SPAG16: variants seen among roughly 807,000 people sequenced by gnomAD.
SPAG16 encodes sperm associated antigen 16, also known as sperm-associated antigen 16 protein.
Under a neutral mutation model 80.4 loss-of-function variants are expected in SPAG16, and 86 were observed. The observed-to-expected ratio is 1.07, with a 90% CI of 0.90 to 1.28. The LOEUF is 1.28. SPAG16 is among the 50% of genes most tolerant of loss of function. The pLI is 0.00. For synonymous variants in SPAG16, 294 were observed against 265.9 expected (o/e 1.11, Z -1.03); for missense variants, 870 against 765.3 (o/e 1.14, Z -1.61).
At chr2:214,246,572 GA>G (rs1426116466) in intron 15 of SPAG16, among the ~76,000 whole-genome samples, 1 of 152,062 alleles carries the variant, frequency 6.6e-6, no homozygotes, top group Non-Finnish European at 1.5e-5. Flanking sequence ...GTGCTGCAAA[GA>G]AGCCCAAGTT....
intron 13 of SPAG16, among the ~76,000 whole-genome samples, chr2:214,017,262 AG>A (rs1325761748): frequency 6.6e-6 from 1 of 152,196 alleles, no homozygotes; most frequent in African/African-American, 2.4e-5. Context: ...ATAGCTTCTC[AG>A]ACATTGATGC....
At chr2:214,274,345 G>C (rs1008447924) in intron 15 of SPAG16, among the ~76,000 whole-genome samples, 2 of 152,176 alleles carry the variant, frequency 1.3e-5, no homozygotes, top group Admixed American at 1.3e-4. Flanking sequence ...AATAGGAGTG[G>C]TGAGAGAGGG....
intron 12 of SPAG16, among the ~76,000 whole-genome samples, chr2:213,941,759 A>G (rs1162675896): frequency 3.3e-5 from 5 of 152,070 alleles, no homozygotes; most frequent in Non-Finnish European, 5.9e-5. Flanking sequence ...TTTTATTCAT[A>G]TACTGGCCTC....
intron 14 of SPAG16, among the ~76,000 whole-genome samples, chr2:214,145,297 A>G (rs1235362752): frequency 1.3e-5 from 2 of 152,098 alleles, no homozygotes; most frequent in Non-Finnish European, 2.9e-5. Flanking sequence ...AGTTTTCTGA[A>G]CCCACCACAG....
intron 14 of SPAG16, among the ~76,000 whole-genome samples, chr2:214,135,779 C>G (rs1242995596): frequency 6.6e-6 from 1 of 151,852 alleles, no homozygotes; most frequent in East Asian, 1.9e-4. Flanking sequence ...GCCATGTGAT[C>G]TCTGCACACA....
chr2:213,547,199 A>G (rs1487359656), intron 10 of SPAG16, among the ~76,000 whole-genome samples: 1 of 152,104 alleles, frequency 6.6e-6, no homozygotes, highest in African/African-American at 2.4e-5. Flanking sequence ...TATCATTGAC[A>G]AATATCATAT....
At chr2:214,167,994 C>CT (rs202075837) in intron 15 of SPAG16, among the ~76,000 whole-genome samples, 1,655 of 132,978 alleles carry the variant, frequency 0.012, 18 homozygotes, top group Middle Eastern at 0.042. Context: ...TTCTTTTTCT[C>CT]TTTTTTTTTT....
chr2:213,741,484 GA>G (rs986525645), intron 10 of SPAG16, among the ~76,000 whole-genome samples: 1 of 151,060 alleles, frequency 6.6e-6, no homozygotes, highest in African/African-American at 2.4e-5. Context: ...AAAGACTAAG[GA>G]AAAAAAAGTA....
At chr2:213,594,963 C>A (rs1237727764) in intron 10 of SPAG16, among the ~76,000 whole-genome samples, 1 of 151,798 alleles carries the variant, frequency 6.6e-6, no homozygotes, top group Non-Finnish European at 1.5e-5. Context: ...GTCTGCCTGC[C>A]TGTCTATTTA....
At chr2:214,324,339 T>C (rs1335039911) in intron 15 of SPAG16, among the ~76,000 whole-genome samples, 3 of 152,188 alleles carry the variant, frequency 2.0e-5, no homozygotes, top group Non-Finnish European at 1.5e-5. Flanking sequence ...AGTATTTCAA[T>C]ATTGATGCAG....
intron 10 of SPAG16, among the ~76,000 whole-genome samples, chr2:213,736,805 A>C (rs1310799833): frequency 1.3e-5 from 2 of 151,142 alleles, no homozygotes; most frequent in Non-Finnish European, 3.0e-5. Context: ...CCTCGGTTCA[A>C]GTGATTCTCC....
chr2:213,772,286 T>C (rs561657191), intron 10 of SPAG16, among the ~76,000 whole-genome samples: 1 of 152,292 alleles, frequency 6.6e-6, no homozygotes, highest in African/African-American at 2.4e-5. Flanking sequence ...TTTTGCACAT[T>C]GATTTTGTAC....
intron 1 of SPAG16, among the ~76,000 whole-genome samples, chr2:213,290,873 T>C (rs1020575689): frequency 6.6e-6 from 1 of 152,200 alleles, no homozygotes; most frequent in Non-Finnish European, 1.5e-5. Flanking sequence ...TCACATACAG[T>C]ACTCCATCAC....
At chr2:213,758,621 A>C (rs554962946) in intron 10 of SPAG16, among the ~76,000 whole-genome samples, 2 of 152,276 alleles carry the variant, frequency 1.3e-5, no homozygotes, top group East Asian at 3.9e-4. Context: ...GTAAACTTGA[A>C]GATAGGACAA....
At chr2:213,632,101 T>C (rs981266896) in intron 10 of SPAG16, among the ~76,000 whole-genome samples, 4 of 152,170 alleles carry the variant, frequency 2.6e-5, no homozygotes, top group African/African-American at 9.7e-5. Context: ...TACTGATTCT[T>C]CTAATCTATC....
chr2:214,117,860 C>T (rs1035218076), intron 14 of SPAG16, among the ~76,000 whole-genome samples: 6 of 152,074 alleles, frequency 3.9e-5, no homozygotes, highest in Middle Eastern at 3.2e-3. Context: ...TACCACAACA[C>T]AATAAAGGCC....
intron 13 of SPAG16, among the ~76,000 whole-genome samples, chr2:214,045,610 A>G (rs1416761509): frequency 6.6e-6 from 1 of 152,212 alleles, no homozygotes; most frequent in Non-Finnish European, 1.5e-5. Context: ...GGGAATGATC[A>G]ATGAGTTAAT....
intron 15 of SPAG16, among the ~76,000 whole-genome samples, chr2:214,375,978 A>G (rs1184436837): frequency 6.6e-6 from 1 of 152,090 alleles, no homozygotes; most frequent in African/African-American, 2.4e-5. Context: ...TTGGTGGCAC[A>G]TAAAATAACA....
chr2:213,452,293 C>A (rs2071746497), intron 9 of SPAG16, among the ~76,000 whole-genome samples: 1 of 152,194 alleles, frequency 6.6e-6, no homozygotes, highest in African/African-American at 2.4e-5. Flanking sequence ...TGATTTCTTT[C>A]TATCTCCTGT....
Sources: gnomAD v4.1 joint callset for allele counts (sites outside exome capture counted in the v4.1 genomes callset) on GRCh38, gnomAD v4.1.1 for gene constraint, MANE v1.5 for transcripts, NCBI Gene and HGNC (gene_info 2026-07-23, HGNC 2026-07-21) for gene names.